Variants in FER observed in about 807,000 individuals in gnomAD.
FER encodes FER tyrosine kinase.
Under a neutral mutation model 111.0 loss-of-function variants are expected in FER, and 63 were observed. The observed-to-expected ratio is 0.57, with a 90% CI of 0.46 to 0.70. The LOEUF (loss-of-function observed/expected upper bound fraction) is 0.70. FER is among the 30% of genes least tolerant of loss of function. The probability of loss-of-function intolerance (pLI) is 0.00; values close to 1 mark genes in which losing one functional copy is unlikely to be tolerated. For synonymous variants in FER, 327 were observed against 313.9 expected, an observed-to-expected ratio of 1.04 and a Z score of -0.44; for missense variants, 914 against 954.0, an observed-to-expected ratio of 0.96 and a Z score of 0.55.
chr5:109,110,308 A>T (rs1364339694), intron 17 of FER, among the ~76,000 whole-genome samples: 1 of 152,186 alleles, frequency 6.6e-6, no homozygotes, highest in Non-Finnish European at 1.5e-5. Flanking sequence ...AGGACAAAAG[A>T]GAAAGGGATG....
At chr5:109,008,664 C>T (rs1179016151) in intron 13 of FER, among the ~76,000 whole-genome samples, 1 of 152,128 alleles carries the variant, frequency 6.6e-6, no homozygotes, top group Non-Finnish European at 1.5e-5. Flanking sequence ...TCTTTTTCCT[C>T]AGCCACTCCA....
intron 17 of FER, among the ~76,000 whole-genome samples, chr5:109,106,578 A>G (rs1748962874): frequency 6.6e-6 from 1 of 152,214 alleles, no homozygotes; most frequent in Admixed American, 6.5e-5. Flanking sequence ...AGGACTGCTC[A>G]ATAATTTTAA....
chr5:109,167,738 G>C (rs1258957959), intron 17 of FER, among the ~76,000 whole-genome samples: 4 of 152,160 alleles, frequency 2.6e-5, no homozygotes, highest in African/African-American at 7.2e-5. Context: ...TAGCCTACTA[G>C]TTCTGCCCCA....
chr5:108,828,086 T>G (rs1470894765), intron 3 of FER, among the ~76,000 whole-genome samples: 1 of 152,240 alleles, frequency 6.6e-6, no homozygotes, highest in East Asian at 1.9e-4. Flanking sequence ...CCCAGGCTAC[T>G]CTCGAGCTCC....
intron 5 of FER, among the ~76,000 whole-genome samples, chr5:108,837,433 CT>C (rs1271744911): frequency 1.3e-5 from 2 of 152,164 alleles, no homozygotes; most frequent in African/African-American, 4.8e-5. Flanking sequence ...TTAAACATTA[CT>C]TCTTAATCTG....
intron 13 of FER, among the ~76,000 whole-genome samples, chr5:109,021,365 A>G (rs1440640080): frequency 6.6e-6 from 1 of 152,026 alleles, no homozygotes; most frequent in Non-Finnish European, 1.5e-5. Flanking sequence ...TATGTACATT[A>G]TTTTTAAAAA....
At chr5:109,004,717 A>G (rs530477849) in intron 13 of FER, among the ~76,000 whole-genome samples, 11 of 152,288 alleles carry the variant, frequency 7.2e-5, no homozygotes, top group African/African-American at 2.4e-4. Flanking sequence ...AGTGTTTTCT[A>G]TTATAATGTA....
At chr5:108,884,543 A>G (rs1409581154) in intron 9 of FER, among the ~76,000 whole-genome samples, 4 of 121,128 alleles carry the variant, frequency 3.3e-5, no homozygotes, top group Admixed American at 7.9e-5. Flanking sequence ...TTGTTTTTGT[A>G]TTTTCTCGTC....
chr5:108,972,569 T>A (rs571730069), intron 13 of FER, among the ~76,000 whole-genome samples: 1 of 152,314 alleles, frequency 6.6e-6, no homozygotes, highest in African/African-American at 2.4e-5. Flanking sequence ...ATGTTAGTTT[T>A]GTATATCTGA....
At chr5:108,999,144 C>T (rs1581583295) in intron 13 of FER, among the ~76,000 whole-genome samples, 4 of 151,896 alleles carry the variant, frequency 2.6e-5, no homozygotes, top group Non-Finnish European at 5.9e-5. Context: ...ATGTTTTTTC[C>T]AGTTAGTGTT....
intron 13 of FER, among the ~76,000 whole-genome samples, chr5:109,034,483 ACT>A (rs780518900): frequency 6.6e-6 from 1 of 151,326 alleles, no homozygotes; most frequent in Non-Finnish European, 1.5e-5. Flanking sequence ...CAGGCCCTGA[ACT>A]CTCTCTGTAT....
At chr5:108,839,262 G>T (rs1760990470) in intron 5 of FER, among the ~76,000 whole-genome samples, 1 of 152,182 alleles carries the variant, frequency 6.6e-6, no homozygotes, top group Non-Finnish European at 1.5e-5. Flanking sequence ...AGAACAATGG[G>T]TGAAGGATTG....
chr5:108,844,093 C>CATATATGCATGTGAACAT (rs35948091), intron 5 of FER, among the ~76,000 whole-genome samples: 2 of 96,898 alleles, frequency 2.1e-5, no homozygotes, highest in Admixed American at 9.7e-5. Flanking sequence ...TGCGTGTGAA[C>CATATATGCATGTGAACAT]ATATGTGTGT....
intron 16 of FER, among the ~76,000 whole-genome samples, chr5:109,084,782 G>T (rs1329984156): frequency 2.6e-5 from 4 of 151,746 alleles, no homozygotes; most frequent in Non-Finnish European, 5.9e-5. Context: ...TGATGTTACC[G>T]AGGGGGTTGA....
At chr5:109,185,564 A>G (rs992248579) in intron 18 of FER, among the ~76,000 whole-genome samples, 10 of 152,204 alleles carry the variant, frequency 6.6e-5, no homozygotes, top group Admixed American at 6.5e-4. Flanking sequence ...TCTTTTTAAT[A>G]TAAGCCATCT....
intron 17 of FER, among the ~76,000 whole-genome samples, chr5:109,139,524 A>T (rs1218342418): frequency 1.3e-5 from 2 of 151,942 alleles, no homozygotes. Context: ...TTAAGAAAAA[A>T]TGCTAAAAGA....
intron 13 of FER, among the ~76,000 whole-genome samples, chr5:109,033,223 GT>G (rs765563048): frequency 5.9e-5 from 9 of 152,068 alleles, no homozygotes; most frequent in Non-Finnish European, 1.2e-4. Context: ...CATTTTTTCT[GT>G]TTTTTCTCTA....
intron 2 of FER, among the ~76,000 whole-genome samples, chr5:108,771,345 A>G (rs775348114): frequency 6.6e-6 from 1 of 152,002 alleles, no homozygotes; most frequent in Non-Finnish European, 1.5e-5. Flanking sequence ...AAACAGTTCT[A>G]TTTTTTCCAC....
chr5:109,033,413 TA>T (rs1769920333), intron 13 of FER, among the ~76,000 whole-genome samples: 1 of 152,090 alleles, frequency 6.6e-6, no homozygotes, highest in South Asian at 2.1e-4. Flanking sequence ...TTCCTTTGGA[TA>T]GAAGGGGAGA....
Sources: allele counts gnomAD v4.1 joint callset (sites outside exome capture counted in the v4.1 genomes callset), GRCh38; gene constraint gnomAD v4.1.1; transcripts MANE v1.5; gene names NCBI Gene and HGNC (gene_info 2026-07-23, HGNC 2026-07-21).